Variants in ABCC1 observed in about 807,000 individuals in gnomAD.
The protein encoded by ABCC1 is multidrug resistance-associated protein 1.
In ABCC1, 83 loss-of-function variants were observed where a neutral mutation model predicts 172.9. The observed-to-expected ratio is 0.48, with a 90% CI of 0.40 to 0.58. ABCC1 has a LOEUF of 0.58. ABCC1 is among the 20% of genes least tolerant of loss of function. The pLI is 0.00. For synonymous variants in ABCC1, 937 were observed against 825.2 expected, an observed-to-expected ratio of 1.14 and a Z score of -2.32; for missense variants, 1,817 against 2,002.7, an observed-to-expected ratio of 0.91 and a Z score of 1.77.
chr16:16,052,582 C>T, intron 10 of ABCC1, 142 bp from the exon 11 acceptor site: 1 of 689,060 alleles, frequency 1.5e-6, no homozygotes. Flanking sequence ...GCTCTTAACA[C>T]CCTATTGTGG....
intron 1 of ABCC1, among the ~76,000 whole-genome samples, chr16:15,998,832 G>A (rs1326628905): frequency 2.6e-5 from 4 of 151,984 alleles, no homozygotes; most frequent in Admixed American, 6.6e-5. Context: ...TCTTATCTCT[G>A]GGCAATACAG....
At chr16:15,980,619 C>T (rs1329704653) in intron 1 of ABCC1, among the ~76,000 whole-genome samples, 1 of 152,156 alleles carries the variant, frequency 6.6e-6, no homozygotes, top group East Asian at 1.9e-4. Context: ...TGAATTGTCT[C>T]TCACTGGGTT....
At chr16:16,026,383 G>T (rs2151805584) in intron 5 of ABCC1, among the ~76,000 whole-genome samples, 1 of 136,764 alleles carries the variant, frequency 7.3e-6, no homozygotes, top group African/African-American at 2.9e-5. Flanking sequence ...GCAGTGAGCT[G>T]AGAACGCACC....
intron 5 of ABCC1, among the ~76,000 whole-genome samples, chr16:16,031,157 G>C (rs376481864): frequency 5.3e-5 from 8 of 152,150 alleles, no homozygotes; most frequent in African/African-American, 1.9e-4. Context: ...CCAGGATACA[G>C]TATTTTTTAA....
At chr16:16,042,617 C>T (rs905872754) in intron 7 of ABCC1, among the ~76,000 whole-genome samples, 16 of 151,504 alleles carry the variant, frequency 1.1e-4, no homozygotes, top group African/African-American at 1.5e-4. Context: ...GCAGGAGAAT[C>T]GCTTGAACGC....
intron 20 of ABCC1, chr16:16,105,520 A>T (rs560886067): frequency 1.3e-5 from 2 of 152,420 alleles, no homozygotes; most frequent in Admixed American, 1.3e-4. Context: ...GTGGAGGTTT[A>T]TTCGGCCTTC....
At chr16:16,115,700 A>G (rs1028372627) in intron 23 of ABCC1, among the ~76,000 whole-genome samples, 57 of 152,074 alleles carry the variant, frequency 3.7e-4, no homozygotes, top group African/African-American at 1.4e-3. Context: ...TGCAGGAGGC[A>G]GGAACTAAAC....
chr16:16,030,308 A>G (rs2048519153), intron 5 of ABCC1, among the ~76,000 whole-genome samples: 1 of 152,054 alleles, frequency 6.6e-6, no homozygotes, highest in Admixed American at 6.6e-5. Flanking sequence ...AGATCACTTG[A>G]GTCAGGAGTT....
intron 1 of ABCC1, among the ~76,000 whole-genome samples, chr16:15,968,998 A>C (rs991872829): frequency 6.6e-6 from 1 of 151,994 alleles, no homozygotes; most frequent in Non-Finnish European, 1.5e-5. Context: ...ACTTGAGGTC[A>C]GTAGTTCAAG....
chr16:16,134,204 C>T, intron 27 of ABCC1, 146 bp from the exon 28 acceptor site: 1 of 969,194 alleles, frequency 1.0e-6, no homozygotes, highest in South Asian at 1.5e-5. Flanking sequence ...AGGAGTGTCT[C>T]TGGGCAGCGC....
chr16:16,013,829 C>G (rs73515994), intron 3 of ABCC1, among the ~76,000 whole-genome samples: 35,287 of 151,716 alleles, frequency 0.23, 5,215 homozygotes, highest in African/African-American at 0.41. Flanking sequence ...GGACCAGCTG[C>G]GGAGAAAAGC....
At chr16:16,086,642 C>T (rs1432305446) in intron 17 of ABCC1, among the ~76,000 whole-genome samples, 182 bp from the exon 18 acceptor site, 1 of 139,072 alleles carries the variant, frequency 7.2e-6, no homozygotes, top group East Asian at 2.1e-4. Flanking sequence ...CTTTTCTTTT[C>T]TTTTTTTGTA....
intron 11 of ABCC1, among the ~76,000 whole-genome samples, chr16:16,053,836 A>G (rs1475651671): frequency 6.7e-6 from 1 of 149,720 alleles, no homozygotes; most frequent in Non-Finnish European, 1.5e-5. Flanking sequence ...ACAAAAGTAC[A>G]TAAATTAAAA....
chr16:16,112,397 A>C (rs560940777), intron 22 of ABCC1, among the ~76,000 whole-genome samples: 1 of 151,612 alleles, frequency 6.6e-6, no homozygotes, highest in South Asian at 2.1e-4. Flanking sequence ...ACCCTGCTCT[A>C]TACTGTTCTG....
chr16:16,044,600 C>T lies in ABCC1; in HGVS notation c.960C>T (p.Thr320=). The stretch of plus-strand genomic sequence containing the variant: ...CTCTGTTTAAGGTGTTATACAAGAC[C>T]TTTGGGCCCTACTTCCTCATGAGCT... ...NPSLFKVLYK[T]FGPYFLMSFF... is the part of the protein sequence containing the mutation. Residue 320 remains threonine, a synonymous_variant, in exon 8 of 31, where the codon ACC becomes ACT. Transcript: ENST00000399410. The T allele has an allele frequency of 1.2e-6, 2 of 1,614,130 alleles. No individual in the cohort carries two copies. Among genetic ancestry groups the T allele is most frequent in the Non-Finnish European group, 1.7e-6 (2 of 1,180,026 alleles).
At chr16:16,136,823 T>C (rs1341646325) in intron 29 of ABCC1, among the ~76,000 whole-genome samples, 179 bp downstream of exon 29, 1 of 152,196 alleles carries the variant, frequency 6.6e-6, no homozygotes, top group Non-Finnish European at 1.5e-5. Flanking sequence ...CAATCCAGGC[T>C]CTTTGTACCA....
intron 16 of ABCC1, among the ~76,000 whole-genome samples, chr16:16,081,532 T>C (rs754889850): frequency 5.3e-5 from 8 of 152,140 alleles, no homozygotes; most frequent in African/African-American, 1.2e-4. Context: ...TTCCCAAATG[T>C]TTTAGTTGGT....
intron 7 of ABCC1, among the ~76,000 whole-genome samples, chr16:16,044,069 G>A (rs1004823375): frequency 1.3e-5 from 2 of 152,210 alleles, no homozygotes; most frequent in African/African-American, 4.8e-5. Context: ...GATGGGGATT[G>A]CCTTGACTCT....
intron 1 of ABCC1, among the ~76,000 whole-genome samples, chr16:15,964,712 C>T (rs2046207804): frequency 6.6e-6 from 1 of 150,634 alleles, no homozygotes; most frequent in Admixed American, 6.6e-5. Context: ...GAGACAGGAT[C>T]TCCCTATGTT....
Sources: gnomAD v4.1 joint callset for allele counts (sites outside exome capture counted in the v4.1 genomes callset) on GRCh38, gnomAD v4.1.1 for gene constraint, MANE v1.5 for transcripts, NCBI Gene and HGNC (gene_info 2026-07-23, HGNC 2026-07-21) for gene names.